Variants in TTC17 observed in about 807,000 individuals in gnomAD.
TTC17 encodes tetratricopeptide repeat domain 17, also known as tetratricopeptide repeat protein 17.
Under a neutral mutation model 143.8 loss-of-function variants are expected in TTC17, and 58 were observed. The ratio of observed to expected loss-of-function variants is 0.40; its 90% CI spans 0.33 to 0.50. The LOEUF (loss-of-function observed/expected upper bound fraction) is 0.50, where lower values mean the gene tolerates loss of function less well. Among genes scored for constraint, TTC17 ranks in the 20% least tolerant of loss-of-function variants. The pLI is 0.49. For synonymous variants in TTC17, 501 were observed against 497.8 expected, an observed-to-expected ratio of 1.01 and a Z score of -0.09; for missense variants, 1,273 against 1,392.5, an observed-to-expected ratio of 0.91 and a Z score of 1.37.
chr11:43,423,237 G>A lies in TTC17; in HGVS notation c.2251+8461G>A, dbSNP rs369739966. Among the ~76,000 whole-genome samples, 12 of 152,294 alleles carry A rather than the reference G, an allele frequency of 7.9e-5. No homozygotes were observed. The East Asian group carries it at 1.4e-3, about 17-fold the overall frequency. On this transcript the variant is annotated intron_variant, in intron 16 of 23. Transcript: ENST00000039989. ...GCTGAAAACAGTTGTCTCAGAATGC[G>A]AATTAACTAGAGAGGTTTCTAACTT...
Position 43,492,061 on chromosome 11 carries a change from C to T in TTC17, c.3192C>T (p.Ala1064=), listed in dbSNP as rs770157020. 6 of 1,613,978 alleles carry T rather than the reference C, an allele frequency of 3.7e-6. No individual in the cohort carries two copies. The highest frequency in any genetic ancestry group is 1.7e-5 in the Admixed American group (1 of 59,988). ...GCCTGGCCAACATCTTGCACAATGC[C>T]AAGCTCTGGAATGACGCCGTCATAG... ...LISLANILHN[A]KLWNDAVIVA... Residue 1064 remains alanine (A), a synonymous_variant, in exon 23 of 24, where the codon GCC becomes GCT. Transcript: ENST00000039989.
At chr11:43,371,880 C>T (rs1856580470) in intron 1 of TTC17, among the ~76,000 whole-genome samples, 1 of 152,120 alleles carries the variant, frequency 6.6e-6, no homozygotes, top group Non-Finnish European at 1.5e-5. Flanking sequence ...ATATCACATA[C>T]ACAAAAGAAA....
chr11:43,491,908 T>C, intron 22 of TTC17, 112 bp from the exon 23 acceptor site: 1 of 1,420,650 alleles, frequency 7.0e-7, no homozygotes, highest in Non-Finnish European at 9.7e-7. Flanking sequence ...TGAGTGGCAC[T>C]GTTCTAATCA....
intron 21 of TTC17, among the ~76,000 whole-genome samples, chr11:43,478,596 T>G (rs1418695118): frequency 6.6e-6 from 1 of 152,040 alleles, no homozygotes; most frequent in Non-Finnish European, 1.5e-5. Context: ...TTCATTATAT[T>G]GTTTTATTTA....
chr11:43,382,932 C>G (rs963991221), intron 2 of TTC17, among the ~76,000 whole-genome samples: 1 of 151,506 alleles, frequency 6.6e-6, no homozygotes, highest in Non-Finnish European at 1.5e-5. Flanking sequence ...CAGGGTCTTG[C>G]TCTGTCACCT....
chr11:43,416,658 A>G (rs1946786105), intron 16 of TTC17, among the ~76,000 whole-genome samples: 1 of 152,156 alleles, frequency 6.6e-6, no homozygotes, highest in African/African-American at 2.4e-5. Flanking sequence ...AGAGAAAATA[A>G]CTTGACATGG....
chr11:43,394,851 G>C (rs1857519472), intron 5 of TTC17, among the ~76,000 whole-genome samples: 1 of 152,040 alleles, frequency 6.6e-6, no homozygotes, highest in East Asian at 1.9e-4. Flanking sequence ...ATCAAGCAGA[G>C]GGGGAAAGCC....
At chr11:43,468,441 T>G (rs1231961105) in intron 21 of TTC17, 1 of 152,128 alleles carries the variant, frequency 6.6e-6, no homozygotes, top group African/African-American at 2.4e-5. Flanking sequence ...TGCATGGATA[T>G]GCATATAGAA....
chr11:43,389,059 G>A (rs1437446878), intron 2 of TTC17, among the ~76,000 whole-genome samples: 3 of 151,248 alleles, frequency 2.0e-5, no homozygotes, highest in East Asian at 1.9e-4. Flanking sequence ...GATCGCTTGA[G>A]CCCAGGAGGT....
At chr11:43,445,315 G>A (rs951709919) in intron 18 of TTC17, among the ~76,000 whole-genome samples, 6 of 152,010 alleles carry the variant, frequency 3.9e-5, no homozygotes, top group Admixed American at 2.6e-4. Flanking sequence ...GTAAAATAAT[G>A]TATGTTTACA....
intron 15 of TTC17, among the ~76,000 whole-genome samples, chr11:43,410,868 G>T (rs1469890777): frequency 6.6e-6 from 1 of 152,154 alleles, no homozygotes; most frequent in East Asian, 1.9e-4. Flanking sequence ...GGAAAATTCA[G>T]TCCACTGGCT....
Position 43,428,724 on chromosome 11 carries a change from CAG to C in TTC17, c.2251+13951_2251+13952del, listed in dbSNP as rs528919895. ...AGTTTCAGGTGTGACCATGTGTGAA[CAG>C]AGTATTTCCCAGGACAGAATTTAAC... On this transcript the variant is annotated intron_variant, in intron 16 of 23. Coordinates refer to ENST00000039989, the MANE Select transcript of TTC17 (RefSeq NM_018259.6). Among the ~76,000 whole-genome samples, 13 of 152,362 alleles carry C rather than the reference CAG, an allele frequency of 8.5e-5. No individual in the cohort carries two copies. In the South Asian group the frequency reaches 2.7e-3, roughly 32 times the overall value.
intron 18 of TTC17, 53 bp downstream of exon 18, chr11:43,444,262 A>T: frequency 6.5e-7 from 1 of 1,532,810 alleles, no homozygotes; most frequent in South Asian, 1.3e-5. Context: ...TCACTATCTC[A>T]TTTCTCACAA....
At chr11:43,391,759 T>C (rs1244053026) in intron 4 of TTC17, 62 bp from the exon 5 acceptor site, 2 of 1,573,438 alleles carry the variant, frequency 1.3e-6, no homozygotes, top group Non-Finnish European at 1.7e-6. Flanking sequence ...TACAAGATAC[T>C]GAATTATTTG....
At chr11:43,479,987 A>G (rs1372762290) in intron 21 of TTC17, among the ~76,000 whole-genome samples, 1 of 152,206 alleles carries the variant, frequency 6.6e-6, no homozygotes, top group African/African-American at 2.4e-5. Context: ...CAGGAGCAGC[A>G]TGCAAATAGG....
chr11:43,393,935 A>G (rs150987588), intron 5 of TTC17, among the ~76,000 whole-genome samples: 126 of 152,296 alleles, frequency 8.3e-4, no homozygotes, highest in African/African-American at 2.8e-3. Flanking sequence ...TGCCTTGCAT[A>G]TGGCTGCCTT....
At chr11:43,392,293 C>T (rs899559477) in intron 5 of TTC17, among the ~76,000 whole-genome samples, 2 of 152,014 alleles carry the variant, frequency 1.3e-5, no homozygotes, top group African/African-American at 4.8e-5. Context: ...ATACACAATA[C>T]ATGTATTATT....
intron 1 of TTC17, among the ~76,000 whole-genome samples, chr11:43,376,316 C>T (rs1856763376): frequency 6.6e-6 from 1 of 152,138 alleles, no homozygotes; most frequent in African/African-American, 2.4e-5. Flanking sequence ...TAATAGAATT[C>T]CATAGAGCCT....
chr11:43,379,482 T>TGTGTG (rs376971962), intron 2 of TTC17, among the ~76,000 whole-genome samples, 160 bp downstream of exon 2: 42 of 151,350 alleles, frequency 2.8e-4, no homozygotes, highest in African/African-American at 1.0e-3. Flanking sequence ...GTGTGTGTGT[T>TGTGTG]TTTTCTTTAT....
Sources: allele counts gnomAD v4.1 joint callset (sites outside exome capture counted in the v4.1 genomes callset), GRCh38; gene constraint gnomAD v4.1.1; transcripts MANE v1.5; gene names NCBI Gene and HGNC (gene_info 2026-07-23, HGNC 2026-07-21).